The following DYRK4 variants were observed in gnomAD, a reference collection of about 807,000 sequenced individuals.
The protein encoded by DYRK4 is dual specificity tyrosine-phosphorylation-regulated kinase 4.
A neutral mutation model predicts 68.3 loss-of-function variants in DYRK4; 64 were observed. That is an observed-to-expected ratio of 0.94 (90% confidence interval 0.77 to 1.15). The LOEUF is 1.15. Ranked by LOEUF, DYRK4 falls within the 50% of genes most tolerant of loss-of-function variation. The pLI, the probability that DYRK4 is intolerant of heterozygous loss-of-function variation, is 0.00. For missense variants in DYRK4, 740 were observed against 764.7 expected (o/e 0.97, Z 0.38); for synonymous variants, 274 against 289.9 (o/e 0.95, Z 0.56).
intron 2 of DYRK4, among the ~76,000 whole-genome samples, chr12:4,572,596 A>G (rs193086225): frequency 6.6e-6 from 1 of 152,246 alleles, no homozygotes; most frequent in East Asian, 1.9e-4. Context: ...TGCCTGGCCT[A>G]TGGACATGTT....
chr12:4,580,424 G>T (rs1028168699), intron 2 of DYRK4, among the ~76,000 whole-genome samples: 1 of 152,192 alleles, frequency 6.6e-6, no homozygotes, highest in Non-Finnish European at 1.5e-5. Flanking sequence ...ACAGCAAAGG[G>T]ACTTAAAGGG....
intron 2 of DYRK4, among the ~76,000 whole-genome samples, chr12:4,582,699 G>A (rs1266771628): frequency 6.6e-6 from 1 of 152,182 alleles, no homozygotes; most frequent in African/African-American, 2.4e-5. Context: ...GGATGACATG[G>A]CGGTGGGGTG....
At chr12:4,592,678 C>A in intron 5 of DYRK4, 1 of 191,482 alleles carries the variant, frequency 5.2e-6, no homozygotes, top group Non-Finnish European at 1.1e-5. Context: ...AACTTGCCAC[C>A]TAAACTATAT....
intron 1 of DYRK4, among the ~76,000 whole-genome samples, chr12:4,563,790 T>C (rs1944651901): frequency 6.6e-6 from 1 of 152,088 alleles, no homozygotes; most frequent in Non-Finnish European, 1.5e-5. Context: ...AACTCTTGAG[T>C]AGAAAAGAGA....
intron 12 of DYRK4, 185 bp from the exon 13 acceptor site, chr12:4,609,970 C>A: frequency 4.9e-6 from 2 of 407,920 alleles, no homozygotes; most frequent in Non-Finnish European, 8.5e-6. Flanking sequence ...AATTGCATTC[C>A]TTGGGTAATC....
chr12:4,576,672 C>T (rs1944792720), intron 2 of DYRK4, among the ~76,000 whole-genome samples: 1 of 152,194 alleles, frequency 6.6e-6, no homozygotes. Context: ...TCCTTGCCAG[C>T]ATTTGGTGTT....
chr12:4,565,880 C>T (rs554989794), intron 1 of DYRK4, among the ~76,000 whole-genome samples: 144 of 152,304 alleles, frequency 9.5e-4, no homozygotes, highest in African/African-American at 3.2e-3. Flanking sequence ...CCACCCGCCA[C>T]GGCCTCCCAA....
At chr12:4,590,246 G>A (rs1204540752) in intron 3 of DYRK4, 84 bp from the exon 4 acceptor site, 3 of 1,459,698 alleles carry the variant, frequency 2.1e-6, no homozygotes, top group Non-Finnish European at 2.7e-6. Context: ...TTGGGGAATT[G>A]GGAAGGGAGG....
At chr12:4,609,901 G>A (rs757032490) in intron 12 of DYRK4, 13 of 259,536 alleles carry the variant, frequency 5.0e-5, no homozygotes, top group Non-Finnish European at 7.9e-5. Flanking sequence ...TGGAGAGGAG[G>A]CAGTGGGAAG....
intron 10 of DYRK4, 41 bp from the exon 11 acceptor site, chr12:4,604,873 G>C (rs373476605): frequency 2.0e-5 from 31 of 1,531,766 alleles, no homozygotes; most frequent in African/African-American, 1.7e-4. Flanking sequence ...TGGAGGGTAA[G>C]AAGTTTGTCC....
intron 2 of DYRK4, among the ~76,000 whole-genome samples, chr12:4,574,199 T>A (rs939060968): frequency 3.0e-4 from 42 of 139,416 alleles, no homozygotes; most frequent in African/African-American, 1.1e-3. Flanking sequence ...CACCCTGGCC[T>A]GGGCGACAGA....
intron 6 of DYRK4, 59 bp downstream of exon 6, chr12:4,593,224 A>G: frequency 6.4e-7 from 1 of 1,570,302 alleles, no homozygotes; most frequent in Non-Finnish European, 8.6e-7. Flanking sequence ...GGTAGTCTAG[A>G]AAGGAAAAAA....
In DYRK4 at chr12:4,596,721, G is replaced by T; in HGVS notation, c.897G>T (p.Glu299Asp). The T allele has an allele frequency of 6.2e-7, 1 of 1,613,898 alleles. No homozygotes were observed. Among genetic ancestry groups the T allele is most frequent in the Non-Finnish European group, 8.5e-7 (1 of 1,179,986 alleles). Reference sequence around the variant, plus strand: ...GCAATCACTTCTGCATCACCTTTGAGCTCCTGGGGTCAGCTGCCTTTTCTT... The same window carrying T: ...GCAATCACTTCTGCATCACCTTTGATCTCCTGGGGTCAGCTGCCTTTTCTT... Reference protein sequence around the residue: ...YFRNHFCITFELLGINLYELM... With the variant: ...YFRNHFCITFDLLGINLYELM... The change falls in exon 8 of 15, where the codon GAG becomes GAT. Residue 299 changes from glutamate to aspartate, a missense_variant. This residue lies in a region of DYRK4 where 614 missense variants were observed against 603.7 expected (regional missense o/e 1.02). Transcript: ENST00000543431.
Position 4,591,465 on chromosome 12 carries a change from A to G in DYRK4, c.463+167A>G. ...TAAGCGTTGAACCTCTGACTGTGGTAGTATAAGCAAGAGGCTGAATAGGAG... is the reference window on the plus strand; with the variant it reads ...TAAGCGTTGAACCTCTGACTGTGGTGGTATAAGCAAGAGGCTGAATAGGAG... On this transcript the variant is annotated intron_variant, in intron 5 of 14. Coordinates refer to ENST00000543431, the MANE Select transcript of DYRK4 (RefSeq NM_001394779.1). The surrounding 1 kb of genome is among the most constrained non-coding windows in gnomAD (Gnocchi z 4.1). The G allele has an allele frequency of 2.1e-6, 2 of 973,272 alleles. No homozygotes were observed. Among genetic ancestry groups the G allele is most frequent in the South Asian group, 4.0e-5 (2 of 49,738 alleles). The allele number at this position is 973,272 out of a possible 1,614,324, so 60.3% of individuals were successfully genotyped here.
chr12:4,607,356 TCAGA>T lies in DYRK4; in HGVS notation c.1333_1336del (p.Thr445ProfsTer17), dbSNP rs749213179. On this transcript the variant is annotated frameshift_variant, in exon 12 of 15. Coordinates refer to ENST00000543431, the MANE Select transcript of DYRK4 (RefSeq NM_001394779.1). LOFTEE classifies it high-confidence loss of function. ...TGGGTCTGCCGCCAGCCGGCTTCATTCAGACAGCCTCCAGGAGACAGACATTCTT... is the reference window on the plus strand; with the variant it reads ...TGGGTCTGCCGCCAGCCGGCTTCATTCAGCCTCCAGGAGACAGACATTCTT... 1 of 1,614,236 alleles carries T rather than the reference TCAGA, an allele frequency of 6.2e-7. No individual in the cohort carries two copies. The highest frequency in any genetic ancestry group is 1.1e-5 in the South Asian group (1 of 91,088).
chr12:4,588,451 A>C (rs1307614096), intron 2 of DYRK4, among the ~76,000 whole-genome samples: 1 of 151,638 alleles, frequency 6.6e-6, no homozygotes, highest in Non-Finnish European at 1.5e-5. Flanking sequence ...TCTTCTCCTC[A>C]CCCTTCTAGG....
In DYRK4 at chr12:4,599,713, A is replaced by G. The variant is rs770478238; in HGVS notation, c.1051A>G (p.Ile351Val). The G allele has an allele frequency of 6.2e-7, 1 of 1,613,436 alleles. No homozygotes were observed. Among genetic ancestry groups the G allele is most frequent in the Non-Finnish European group, 8.5e-7 (1 of 1,179,490 alleles). ...IIHCDLKPENIVLYQKGQASV... is the reference protein window; with the variant it reads ...IIHCDLKPENVVLYQKGQASV... ...TGTCTTTTCTTCTCTCTAGGAAAATATAGTGCTATACCAAAAGGGCCAAGC... is the reference window on the plus strand; with the variant it reads ...TGTCTTTTCTTCTCTCTAGGAAAATGTAGTGCTATACCAAAAGGGCCAAGC... The change falls in exon 10 of 15, where the codon ATA becomes GTA. Residue 351 changes from isoleucine to valine, a missense_variant. This residue lies in a region of DYRK4 where 614 missense variants were observed against 603.7 expected (regional missense o/e 1.02). Transcript: ENST00000543431.
chr12:4,563,533 A>G (rs1291979943), intron 1 of DYRK4, among the ~76,000 whole-genome samples: 1 of 152,254 alleles, frequency 6.6e-6, no homozygotes, highest in Admixed American at 6.5e-5. Flanking sequence ...CAATGACCAC[A>G]TCAAAGAATA....
intron 1 of DYRK4, among the ~76,000 whole-genome samples, chr12:4,566,414 T>C (rs1381432582): frequency 6.6e-6 from 1 of 152,244 alleles, no homozygotes; most frequent in African/African-American, 2.4e-5. Context: ...GTTCTTTGTG[T>C]GTCCTCCTCC....
Sources: allele counts gnomAD v4.1 joint callset (sites outside exome capture counted in the v4.1 genomes callset), GRCh38; gene constraint gnomAD v4.1.1; regional missense constraint gnomAD v4.1.1; non-coding constraint Gnocchi (gnomAD v3.1); transcripts MANE v1.5; gene names NCBI Gene and HGNC (gene_info 2026-07-23, HGNC 2026-07-21).